ADCY9: variants seen among roughly 807,000 people sequenced by gnomAD.
ADCY9 encodes the protein adenylate cyclase type 9.
A neutral mutation model predicts 101.5 loss-of-function variants in ADCY9; 50 were observed. That is an observed-to-expected ratio of 0.49 (90% CI 0.39 to 0.62). The LOEUF (loss-of-function observed/expected upper bound fraction) is 0.62. Ranked by LOEUF, ADCY9 falls within the 20% of genes least tolerant of loss-of-function variation. The probability of loss-of-function intolerance (pLI) is 0.00; values close to 1 mark genes in which losing one functional copy is unlikely to be tolerated. For missense variants in ADCY9, 1,662 were observed against 1,800.4 expected, an observed-to-expected ratio of 0.92 and a Z score of 1.39; for synonymous variants, 905 against 769.3, an observed-to-expected ratio of 1.18 and a Z score of -2.92.
intron 10 of ADCY9, among the ~76,000 whole-genome samples, chr16:3,969,224 G>T (rs1415543454): frequency 6.6e-6 from 1 of 152,058 alleles, no homozygotes; most frequent in Non-Finnish European, 1.5e-5. Context: ...GATGAGTGGT[G>T]AGTAGCACAA....
intron 8 of ADCY9, among the ~76,000 whole-genome samples, chr16:3,978,151 G>A (rs1380124281): frequency 1.3e-5 from 2 of 152,202 alleles, no homozygotes; most frequent in African/African-American, 4.8e-5. Context: ...CCCGGCGTGA[G>A]GCTCCCTGTT....
Position 3,965,689 on chromosome 16 carries a change from G to C in ADCY9, c.*86C>G. 7.6e-7 allele frequency: 1 copy of C among 1,310,202 alleles called. No individual in the cohort carries two copies. Among genetic ancestry groups the C allele is most frequent in the South Asian group, 1.4e-5 (1 of 72,502 alleles). The allele number at this position is 1,310,202 out of a possible 1,614,324, so 81.2% of individuals were successfully genotyped here. ...AACACCACGTCCGGGGAGGGCAACT[G>C]TGGCGCTTGGAAAGCACAACAGCCA... is the stretch of plus-strand genomic sequence containing the variant. On this transcript the variant is annotated 3_prime_UTR_variant, in exon 11 of 11. Transcript: ENST00000294016.
chr16:4,052,514 T>TG (rs1047945622), intron 2 of ADCY9, among the ~76,000 whole-genome samples: 1 of 152,218 alleles, frequency 6.6e-6, no homozygotes, highest in African/African-American at 2.4e-5. Context: ...TCAGGGAATC[T>TG]GGGTGAAGAG....
Position 3,966,794 on chromosome 16 carries a change from C to T in ADCY9, c.3043G>A (p.Asp1015Asn). ...RLHYHGDVEA[D>N]LHRTKIQSMR... is the part of the protein sequence containing the mutation. ...CTCTGGATCTTGGTGCGGTGAAGAT[C>T]CGCTTCCACGTCTCCGTGGTAGTGG... The change falls in exon 11 of 11, where the codon GAT becomes AAT. Residue 1015 changes from aspartate (D) to asparagine (N), a missense_variant. Physicochemically the swap from Asp to Asn is conservative, Grantham distance 23. Coordinates refer to ENST00000294016, the MANE Select transcript of ADCY9 (RefSeq NM_001116.4). 1 of 1,614,220 alleles carries T rather than the reference C, an allele frequency of 6.2e-7. No homozygotes were observed. The highest frequency in any genetic ancestry group is 8.5e-7 in the Non-Finnish European group (1 of 1,180,036).
intron 6 of ADCY9, chr16:3,983,679 G>C: frequency 1.9e-6 from 1 of 538,846 alleles, no homozygotes; most frequent in Non-Finnish European, 3.3e-6. Context: ...CTGTAATCCC[G>C]ACACTTTGGG....
chr16:4,038,523 G>A (rs1180502924), intron 2 of ADCY9, among the ~76,000 whole-genome samples: 1 of 152,094 alleles, frequency 6.6e-6, no homozygotes, highest in Non-Finnish European at 1.5e-5. Context: ...CTCCAGAACT[G>A]TAAGAAATAA....
At chr16:3,998,874 C>G (rs529996867) in intron 3 of ADCY9, among the ~76,000 whole-genome samples, 1 of 152,000 alleles carries the variant, frequency 6.6e-6, no homozygotes, top group South Asian at 2.1e-4. Context: ...TAGTTAGAGG[C>G]CCCTTCTGTA....
intron 2 of ADCY9, among the ~76,000 whole-genome samples, chr16:4,095,968 C>A (rs1317273040): frequency 1.1e-4 from 11 of 101,014 alleles, no homozygotes; most frequent in African/African-American, 3.9e-4. Context: ...CAGAGCAAGA[C>A]TCTATCTCAA....
At chr16:4,077,178 G>T (rs1387707554) in intron 2 of ADCY9, among the ~76,000 whole-genome samples, 1 of 152,076 alleles carries the variant, frequency 6.6e-6, no homozygotes, top group Non-Finnish European at 1.5e-5. Context: ...CCAACTGTAA[G>T]CCCTATACAG....
chr16:3,966,045 G>T lies in ADCY9; in HGVS notation c.3792C>A (p.Val1264=), dbSNP rs1295769414. ...HQLSISPDIR[V]QVDGSIGRSP... ...ACCGTCCGATGCTGCCATCCACCTG[G>T]ACGCGGATGTCTGGGGAGATGGACA... Residue 1264 remains valine (V), a synonymous_variant, in exon 11 of 11, where the codon GTC becomes GTA. Transcript: ENST00000294016. 2.5e-6 allele frequency: 4 copies of T among 1,614,218 alleles called. No homozygotes were observed. Among genetic ancestry groups the T allele is most frequent in the South Asian group, 2.2e-5 (2 of 91,082 alleles).
In ADCY9 at chr16:3,977,525, C is replaced by T. The variant is rs144319192; in HGVS notation, c.2785G>A (p.Ala929Thr). The T allele has an allele frequency of 5.0e-6, 8 of 1,593,052 alleles. No homozygotes were observed. The highest frequency in any genetic ancestry group is 1.3e-5 in the African/African-American group (1 of 74,658). ...ACGTAGAGCAGGAGCAGCGGCCCGG[C>T]CCCCACGACGGTGGCGAGGGAGGAC... is the stretch of plus-strand genomic sequence containing the variant. Reference protein sequence around the residue: ...MRSSLATVVGAGPLLLLYVSL... With the variant: ...MRSSLATVVGTGPLLLLYVSL... Residue 929 changes from alanine to threonine, a missense_variant, in exon 9 of 11, where the codon GCC (alanine) becomes ACC (threonine). Around this residue, in one of 5 missense-constraint regions of ADCY9, gnomAD observed 624 missense variants for 639.1 expected, o/e 0.98. Transcript: ENST00000294016.
chr16:4,081,117 G>A (rs2056898975), intron 2 of ADCY9, among the ~76,000 whole-genome samples: 2 of 152,310 alleles, frequency 1.3e-5, no homozygotes, highest in South Asian at 2.1e-4. Flanking sequence ...TCATGTGTGT[G>A]GATGGTGTGG....
intron 2 of ADCY9, among the ~76,000 whole-genome samples, chr16:4,070,741 T>G (rs964604389): frequency 1.3e-5 from 2 of 151,378 alleles, no homozygotes; most frequent in African/African-American, 4.9e-5. Context: ...ACCCCAGGAG[T>G]TCCAGACCAG....
intron 2 of ADCY9, among the ~76,000 whole-genome samples, chr16:4,099,869 T>C (rs1008141815): frequency 2.6e-5 from 4 of 152,178 alleles, no homozygotes; most frequent in Admixed American, 2.6e-4. Context: ...CTAGGCAACA[T>C]GGCAAGACCC....
chr16:3,979,267 A>C lies in ADCY9; in HGVS notation c.2528T>G (p.Phe843Cys). Residue 843 changes from phenylalanine (F) to cysteine (C), a missense_variant, in exon 8 of 11, where the codon TTC (phenylalanine) becomes TGC (cysteine). By Grantham distance (205) the Phe-to-Cys change is radical. Transcript: ENST00000294016. ...LSLAVSIRMV[F>C]FLEDVMACTK... Reference sequence around the variant, plus strand: ...GCAGGCCATGACGTCCTCCAGGAAGAACACCATCCTGCGAGAGGCATGGGG... The same window carrying C: ...GCAGGCCATGACGTCCTCCAGGAAGCACACCATCCTGCGAGAGGCATGGGG... The C allele has an allele frequency of 6.2e-7, 1 of 1,613,810 alleles. No individual in the cohort carries two copies. Among genetic ancestry groups the C allele is most frequent in the Middle Eastern group, 1.7e-4 (1 of 6,054 alleles).
downstream of ADCY9, among the ~76,000 whole-genome samples, chr16:3,961,455 A>T (rs1464588107): frequency 6.6e-6 from 1 of 151,750 alleles, no homozygotes; most frequent in African/African-American, 2.4e-5. Context: ...CTCCAAAAAA[A>T]AAAAAACCGA....
chr16:4,030,342 C>A (rs1483254145), intron 2 of ADCY9, among the ~76,000 whole-genome samples: 3 of 152,056 alleles, frequency 2.0e-5, no homozygotes, highest in Non-Finnish European at 4.4e-5. Flanking sequence ...GGAACCCCAG[C>A]GTAAGCAACA....
downstream of ADCY9, among the ~76,000 whole-genome samples, chr16:3,961,280 T>C (rs2055936634): frequency 6.6e-6 from 1 of 151,700 alleles, no homozygotes; most frequent in Non-Finnish European, 1.5e-5. Flanking sequence ...AGACCCCGTC[T>C]CTGCAAAAAA....
chr16:3,983,630 G>C, intron 6 of ADCY9, 190 bp from the exon 7 acceptor site: 3 of 588,490 alleles, frequency 5.1e-6, no homozygotes, highest in Non-Finnish European at 9.0e-6. Context: ...GCACAGAGAA[G>C]TTAAACTTGC....
Sources: allele counts gnomAD v4.1 joint callset (sites outside exome capture counted in the v4.1 genomes callset), GRCh38; gene constraint gnomAD v4.1.1; regional missense constraint gnomAD v4.1.1; transcripts MANE v1.5; gene names NCBI Gene and HGNC (gene_info 2026-07-23, HGNC 2026-07-21).